RIPOR1: variants seen among roughly 807,000 people sequenced by gnomAD.
The protein encoded by RIPOR1 is RHO family interacting cell polarization regulator 1.
In RIPOR1, 58 loss-of-function variants were observed where a neutral mutation model predicts 116.5. The ratio of observed to expected loss-of-function variants is 0.50; its 90% CI spans 0.40 to 0.62. The LOEUF (loss-of-function observed/expected upper bound fraction) is 0.62. Ranked by LOEUF, RIPOR1 falls within the 20% of genes least tolerant of loss-of-function variation. RIPOR1 has a pLI of 0.00. For synonymous variants in RIPOR1, 605 were observed against 650.0 expected, an observed-to-expected ratio of 0.93 and a Z score of 1.05; for missense variants, 1,372 against 1,586.2, an observed-to-expected ratio of 0.86 and a Z score of 2.29.
In RIPOR1 at chr16:67,538,662, T is replaced by C. The variant is rs751544853; in HGVS notation, c.105-10T>C. The C allele has an allele frequency of 1.2e-6, 2 of 1,612,122 alleles. No individual in the cohort carries two copies. Among genetic ancestry groups the C allele is most frequent in the East Asian group, 2.2e-5 (1 of 44,802 alleles). On this transcript the variant is annotated splice_polypyrimidine_tract_variant and intron_variant, in intron 2 of 21. Coordinates refer to ENST00000042381, the MANE Select transcript of RIPOR1 (RefSeq NM_024519.4). ...TGCTCTCCTCTTTCTGAGGACAGCC[T>C]CTCCTTCAGGAGTTTCCCGGTCTTC...
In RIPOR1 at chr16:67,540,641, G is replaced by A. The variant is rs1329166451; in HGVS notation, c.738G>A (p.Lys246=). The A allele has an allele frequency of 1.2e-6, 2 of 1,613,832 alleles. No individual in the cohort carries two copies. Among genetic ancestry groups the A allele is most frequent in the African/African-American group, 2.7e-5 (2 of 75,022 alleles). The change falls in exon 10 of 22, where the codon AAG becomes AAA. Residue 246 remains lysine (K), a synonymous_variant. Coordinates refer to ENST00000042381, the MANE Select transcript of RIPOR1 (RefSeq NM_024519.4). This position sits in a 1 kb window ranked among gnomAD's most constrained non-coding sequence, Gnocchi z 4.7. ...GGGGCCGAATTGAGGGTAGTGGAAA[G>A]CAGGTGTGGGACAGTGAAGAAACCA... ...KLRGRIEGSG[K]QVWDSEETIF...
intron 1 of RIPOR1, among the ~76,000 whole-genome samples, chr16:67,521,651 G>T (rs568753603): frequency 2.6e-5 from 4 of 152,254 alleles, no homozygotes; most frequent in African/African-American, 9.6e-5. Flanking sequence ...AACCAGCAGA[G>T]CACCGCCCAG....
At position 67,540,103 on chromosome 16, in the gene RIPOR1, T is replaced by G. The variant is rs1435279326; in HGVS notation, c.465T>G (p.Gly155=). The change falls in exon 7 of 22, where the codon GGT becomes GGG. Residue 155 remains glycine (G), a synonymous_variant. Transcript: ENST00000042381. This position sits in a 1 kb window ranked among gnomAD's most constrained non-coding sequence, Gnocchi z 4.7. ...AYCVQRRLRD[G]AYNMVRAYTT... is the part of the protein sequence containing the mutation. ...GTGTCCAGCGGCGTCTCCGGGATGG[T>G]GCCTACAACATGGTCCGTGCCTACA... 6.2e-7 allele frequency: 1 copy of G among 1,614,122 alleles called. No homozygotes were observed. The highest frequency in any genetic ancestry group is 2.2e-5 in the East Asian group (1 of 44,878).
intron 1 of RIPOR1, among the ~76,000 whole-genome samples, chr16:67,532,461 C>T (rs934858194): frequency 3.3e-5 from 5 of 150,882 alleles, no homozygotes; most frequent in East Asian, 3.9e-4. Flanking sequence ...CGTGAGACCT[C>T]GTCTTAAAAA....
intron 1 of RIPOR1, among the ~76,000 whole-genome samples, chr16:67,520,062 CAAAA>C (rs796368368): frequency 3.3e-4 from 15 of 46,048 alleles, no homozygotes; most frequent in African/African-American, 6.8e-4. Context: ...AACTCCGTCT[CAAAA>C]AAAAAAAAAA....
intron 1 of RIPOR1, among the ~76,000 whole-genome samples, chr16:67,532,324 A>G (rs2050682350): frequency 6.6e-6 from 1 of 152,142 alleles, no homozygotes; most frequent in South Asian, 2.1e-4. Flanking sequence ...AGATTGCTTG[A>G]GCCCAGGAGT....
chr16:67,545,597 TC>T lies in RIPOR1; in HGVS notation c.3191-63del. Reference sequence around the variant, plus strand: ...GGTCTGAGGACATGAGGACAAGCCCTCCCCAACCTCGGGGGCTCCTCACCCT... The same window carrying T: ...GGTCTGAGGACATGAGGACAAGCCCTCCCAACCTCGGGGGCTCCTCACCCT... On this transcript the variant is annotated intron_variant, in intron 18 of 21. Transcript: ENST00000042381. This position sits in a 1 kb window ranked among gnomAD's most constrained non-coding sequence, Gnocchi z 4.8. 1.3e-6 allele frequency: 2 copies of T among 1,590,176 alleles called. No individual in the cohort carries two copies. The highest frequency in any genetic ancestry group is 1.7e-6 in the Non-Finnish European group (2 of 1,164,930).
Position 67,540,170 on chromosome 16 carries a change from GCAGAGGC to G in RIPOR1, c.535_541del (p.Glu179LeufsTer29), listed in dbSNP as rs1476984185. 2 of 1,614,064 alleles carry G rather than the reference GCAGAGGC, an allele frequency of 1.2e-6. No individual in the cohort carries two copies. The highest frequency in any genetic ancestry group is 1.7e-6 in the Non-Finnish European group (2 of 1,180,024). ...AAGCCGAGAGGCCCGGGACAGCCTG[GCAGAGGC>G]CACTCGGGGGCATCGCGAGTACACG... is the stretch of plus-strand genomic sequence containing the variant. On this transcript the variant is annotated frameshift_variant, in exon 7 of 22. Transcript: ENST00000042381. LOFTEE classifies it high-confidence loss of function. This position sits in a 1 kb window ranked among gnomAD's most constrained non-coding sequence, Gnocchi z 4.7.
upstream of RIPOR1, among the ~76,000 whole-genome samples, chr16:67,527,798 C>T (rs1011649813): frequency 6.7e-6 from 1 of 148,894 alleles, no homozygotes; most frequent in Non-Finnish European, 1.5e-5. Context: ...TGGCATGAAC[C>T]TGGGAGGTGG....
At position 67,545,042 on chromosome 16, in the gene RIPOR1, G is replaced by A. The variant is rs1046376502; in HGVS notation, c.2956G>A (p.Glu986Lys). 5.6e-6 allele frequency: 9 copies of A among 1,613,530 alleles called. No homozygotes were observed. Among genetic ancestry groups the A allele is most frequent in the Non-Finnish European group, 7.6e-6 (9 of 1,180,030 alleles). Residue 986 changes from glutamate to lysine, a missense_variant, in exon 17 of 22, where the codon GAG becomes AAG. Physicochemically the swap from Glu to Lys is moderately conservative, Grantham distance 56. Coordinates refer to ENST00000042381, the MANE Select transcript of RIPOR1 (RefSeq NM_024519.4). The surrounding 1 kb of genome is among the most constrained non-coding windows in gnomAD (Gnocchi z 4.8). ...ERLSCFLCPV[E>K]RVLLTFCNQY... Reference sequence around the variant, plus strand: ...ACTCAGCTGCTTCCTCTGCCCGGTGGAGCGGGTGCTTCTCACCTTCTGCAA... The same window carrying A: ...ACTCAGCTGCTTCCTCTGCCCGGTGAAGCGGGTGCTTCTCACCTTCTGCAA...
chr16:67,545,675 C>T lies in RIPOR1; in HGVS notation c.3202C>T (p.Arg1068Trp), dbSNP rs375623923. The change falls in exon 19 of 22, where the codon CGG (arginine) becomes TGG (tryptophan). Residue 1068 changes from arginine to tryptophan, a missense_variant. Around this residue, in one of 3 missense-constraint regions of RIPOR1, gnomAD observed 1,005 missense variants for 1,144.7 expected, o/e 0.88. Transcript: ENST00000042381. This position sits in a 1 kb window ranked among gnomAD's most constrained non-coding sequence, Gnocchi z 4.8. The part of the protein sequence containing the change: ...TETAEEVLLV[R>W]NLNSDDQAVV... Reference sequence around the variant, plus strand: ...TCCCCTTTTTTCAGTGCTACTGGTGCGGAATCTGAACTCGGATGATCAGGC... The same window carrying T: ...TCCCCTTTTTTCAGTGCTACTGGTGTGGAATCTGAACTCGGATGATCAGGC... 3.8e-5 allele frequency: 59 copies of T among 1,567,716 alleles called. No homozygotes were observed. In the African/African-American group the frequency reaches 6.1e-4, roughly 16 times the overall value.
rs1297390837 is a variant in RIPOR1, at chr16:67,537,998, G to C, written c.-23-426G>C. 1 of 212,278 alleles carries C rather than the reference G, an allele frequency of 4.7e-6. No individual in the cohort carries two copies. Among genetic ancestry groups the C allele is most frequent in the Admixed American group, 5.9e-5 (1 of 16,954 alleles). The allele number at this position is 212,278 out of a possible 1,614,324, so 13.1% of individuals were successfully genotyped here. A position where few individuals can be genotyped will look rare whatever the true frequency, so the allele number is the denominator to read the frequency against. On this transcript the variant is annotated intron_variant, in intron 1 of 21. Transcript: ENST00000042381. The surrounding 1 kb of genome is among the most constrained non-coding windows in gnomAD (Gnocchi z 4.6). The stretch of plus-strand genomic sequence containing the variant: ...CGCCCCGTGACCTCCTTGGGCTCCC[G>C]GGGTGGGGGGCCCCGAGCTCCGGGT...
intron 1 of RIPOR1, among the ~76,000 whole-genome samples, chr16:67,523,704 A>G: frequency 6.7e-6 from 1 of 149,978 alleles, no homozygotes; most frequent in East Asian, 2.0e-4. Flanking sequence ...TTTTTGAGAC[A>G]GGGTCTCGCT....
rs748700929 is a variant in RIPOR1 at position 67,543,261 on chromosome 16, C to T, written c.2475C>T (p.Leu825=). Residue 825 remains leucine (L), a synonymous_variant, in exon 13 of 22, where the codon CTC becomes CTT. Coordinates refer to ENST00000042381, the MANE Select transcript of RIPOR1 (RefSeq NM_024519.4). This position sits in a 1 kb window ranked among gnomAD's most constrained non-coding sequence, Gnocchi z 4.7. ...EQEVTRLESL[L]MQRQGLTRSR... is the part of the protein sequence containing the mutation. Reference sequence around the variant, plus strand: ...AGGTGACCCGCCTAGAAAGTCTGCTCATGGTGAGGAGGGCTGGGCTGGGCT... The same window carrying T: ...AGGTGACCCGCCTAGAAAGTCTGCTTATGGTGAGGAGGGCTGGGCTGGGCT... The T allele has an allele frequency of 6.9e-6, 11 of 1,601,132 alleles. No homozygotes were observed. The highest frequency in any genetic ancestry group is 2.7e-5 in the African/African-American group (2 of 74,790).
Position 67,529,726 on chromosome 16 carries a change from C to T in RIPOR1, c.-24+812C>T. ...TGGCCGCCCCAGCACCTACTGTGCG[C>T]AGCCTCGTGTAACAATACTTGTGCC... On this transcript the variant is annotated intron_variant, in intron 1 of 21. Transcript: ENST00000042381. The surrounding 1 kb of genome is among the most constrained non-coding windows in gnomAD (Gnocchi z 4.1). 6.5e-7 allele frequency: 1 copy of T among 1,529,062 alleles called. No homozygotes were observed. Among genetic ancestry groups the T allele is most frequent in the Admixed American group, 2.0e-5 (1 of 50,696 alleles). 94.7% of individuals were successfully genotyped at this position (1,529,062 alleles called of 1,614,324 possible).
At position 67,543,038 on chromosome 16, in the gene RIPOR1, G is replaced by A. The variant is rs2051043590; in HGVS notation, c.2252G>A (p.Ser751Asn). Reference protein sequence around the residue: ...APDPSESTVQSLSPTPSPPTP... With the variant: ...APDPSESTVQNLSPTPSPPTP... The stretch of plus-strand genomic sequence containing the variant: ...GATCCCTCAGAGTCTACGGTTCAGA[G>A]TCTAAGCCCCACTCCCTCACCCCCA... Residue 751 changes from serine (S) to asparagine (N), a missense_variant, in exon 13 of 22, where the codon AGT (serine) becomes AAT (asparagine). By Grantham distance (46) the Ser-to-Asn change is conservative. This residue lies in a region of RIPOR1 where 1,005 missense variants were observed against 1,144.7 expected (regional missense o/e 0.88). Coordinates refer to ENST00000042381, the MANE Select transcript of RIPOR1 (RefSeq NM_024519.4). The surrounding 1 kb of genome is among the most constrained non-coding windows in gnomAD (Gnocchi z 4.7). 2.0e-6 allele frequency: 3 copies of A among 1,531,766 alleles called. No homozygotes were observed. The highest frequency in any genetic ancestry group is 2.6e-6 in the Non-Finnish European group (3 of 1,142,162). 94.9% of individuals were successfully genotyped at this position (1,531,766 alleles called of 1,614,324 possible). A position where few individuals can be genotyped will look rare whatever the true frequency, so the allele number is the denominator to read the frequency against.
chr16:67,545,603 A>G lies in RIPOR1; in HGVS notation c.3191-61A>G. 1 of 1,586,220 alleles carries G rather than the reference A, an allele frequency of 6.3e-7. No homozygotes were observed. Among genetic ancestry groups the G allele is most frequent in the Non-Finnish European group, 8.6e-7 (1 of 1,162,824 alleles). On this transcript the variant is annotated intron_variant, in intron 18 of 21. Coordinates refer to ENST00000042381, the MANE Select transcript of RIPOR1 (RefSeq NM_024519.4). The surrounding 1 kb of genome is among the most constrained non-coding windows in gnomAD (Gnocchi z 4.8). The stretch of plus-strand genomic sequence containing the variant: ...AGGACATGAGGACAAGCCCTCCCCA[A>G]CCTCGGGGGCTCCTCACCCTGCCAC...
Position 67,543,244 on chromosome 16 carries a change from C to G in RIPOR1, c.2458C>G (p.Arg820Gly). 1 of 1,591,318 alleles carries G rather than the reference C, an allele frequency of 6.3e-7. No homozygotes were observed. ...GCAGGGCCTGGAGCAGGAGGTGACC[C>G]GCCTAGAAAGTCTGCTCATGGTGAG... Reference protein sequence around the residue: ...ELQGLEQEVTRLESLLMQRQG... With the variant: ...ELQGLEQEVTGLESLLMQRQG... The change falls in exon 13 of 22, where the codon CGC becomes GGC. Residue 820 changes from arginine (R) to glycine (G), a missense_variant. By Grantham distance (125) the Arg-to-Gly change is moderately radical. Coordinates refer to ENST00000042381, the MANE Select transcript of RIPOR1 (RefSeq NM_024519.4). The surrounding 1 kb of genome is among the most constrained non-coding windows in gnomAD (Gnocchi z 4.7).
rs2051096648 is a variant in RIPOR1 at position 67,544,376 on chromosome 16, C to T, written c.2678C>T (p.Pro893Leu). Residue 893 changes from proline to leucine, a missense_variant, in exon 15 of 22, where the codon CCA becomes CTA. By Grantham distance (98) the Pro-to-Leu change is moderately conservative. Around this residue, in one of 3 missense-constraint regions of RIPOR1, gnomAD observed 1,005 missense variants for 1,144.7 expected, o/e 0.88. Coordinates refer to ENST00000042381, the MANE Select transcript of RIPOR1 (RefSeq NM_024519.4). The surrounding 1 kb of genome is among the most constrained non-coding windows in gnomAD (Gnocchi z 5.1). ...GCCCGCCCCCTCAGCACGGGGTGTC[C>T]AGCTCTGGATGCTGCCTTGGTCCGG... ...PSARPLSTGC[P>L]ALDAALVRHL... is the part of the protein sequence containing the mutation. 1.2e-5 allele frequency: 20 copies of T among 1,613,264 alleles called. No homozygotes were observed. Among genetic ancestry groups the T allele is most frequent in the Non-Finnish European group, 1.6e-5 (19 of 1,179,842 alleles).
Sources: allele counts gnomAD v4.1 joint callset (sites outside exome capture counted in the v4.1 genomes callset), GRCh38; gene constraint gnomAD v4.1.1; regional missense constraint gnomAD v4.1.1; non-coding constraint Gnocchi (gnomAD v3.1); transcripts MANE v1.5; gene names NCBI Gene and HGNC (gene_info 2026-07-23, HGNC 2026-07-21).